Variants in PLD5 observed in about 807,000 individuals in gnomAD.
PLD5 encodes the protein inactive phospholipase D5.
In PLD5, 36 loss-of-function variants were observed where a neutral mutation model predicts 61.1. That is an observed-to-expected ratio of 0.59 (90% confidence interval 0.45 to 0.78). The LOEUF (loss-of-function observed/expected upper bound fraction) is 0.78. Ranked by LOEUF, PLD5 falls within the 30% of genes least tolerant of loss-of-function variation. The pLI is 0.00. For synonymous variants in PLD5, 243 were observed against 242.8 expected (o/e 1.00, Z -0.01); for missense variants, 515 against 644.4 (o/e 0.80, Z 2.17).
chr1:242,465,027 G>A (rs1366707889), intron 1 of PLD5, among the ~76,000 whole-genome samples: 1 of 152,174 alleles, frequency 6.6e-6, no homozygotes, highest in Non-Finnish European at 1.5e-5. Context: ...CTCTTTCTGG[G>A]TATGAGTTTC....
intron 8 of PLD5, among the ~76,000 whole-genome samples, chr1:242,106,711 C>A (rs944622165): frequency 3.3e-5 from 5 of 152,182 alleles, no homozygotes; most frequent in African/African-American, 9.7e-5. Context: ...AAGTTAATTG[C>A]GGAGCCCTTG....
chr1:242,210,796 C>T (rs1211379969), intron 5 of PLD5: 1 of 152,276 alleles, frequency 6.6e-6, no homozygotes. Flanking sequence ...AGCCTGCCTG[C>T]ATCCAGGTGA....
intron 1 of PLD5, among the ~76,000 whole-genome samples, chr1:242,391,371 G>A (rs963975458): frequency 2.6e-5 from 4 of 151,648 alleles, no homozygotes; most frequent in Non-Finnish European, 5.9e-5. Flanking sequence ...AACATAAATA[G>A]GAAAAAAAGA....
At chr1:242,381,878 G>A (rs1371351498) in intron 1 of PLD5, among the ~76,000 whole-genome samples, 2 of 152,128 alleles carry the variant, frequency 1.3e-5, no homozygotes, top group African/African-American at 2.4e-5. Flanking sequence ...GCTGTTGGCA[G>A]AGAATAGACT....
chr1:242,194,635 T>TA (rs1437557009), intron 5 of PLD5, among the ~76,000 whole-genome samples: 1 of 119,966 alleles, frequency 8.3e-6, no homozygotes, highest in African/African-American at 3.4e-5. Context: ...TCTATCTATC[T>TA]ATCTATCTAT....
intron 2 of PLD5, among the ~76,000 whole-genome samples, chr1:242,322,703 C>T (rs1335359728): frequency 6.6e-6 from 1 of 152,166 alleles, no homozygotes; most frequent in African/African-American, 2.4e-5. Context: ...TTTATATCCA[C>T]TTCCTACTTC....
At chr1:242,173,595 C>T (rs1443028775) in intron 5 of PLD5, among the ~76,000 whole-genome samples, 1 of 152,162 alleles carries the variant, frequency 6.6e-6, no homozygotes, top group Non-Finnish European at 1.5e-5. Context: ...CAAGACAATC[C>T]TAAGCCAAAA....
At chr1:242,440,020 T>C (rs10926736) in intron 1 of PLD5, among the ~76,000 whole-genome samples, 35,332 of 152,080 alleles carry the variant, frequency 0.23, 5,258 homozygotes, top group Non-Finnish European at 0.32. Flanking sequence ...CTTGTATATA[T>C]TTCAATCCTT....
At chr1:242,449,345 G>A (rs548151841) in intron 1 of PLD5, 1 of 1,536,104 alleles carries the variant, frequency 6.5e-7, no homozygotes, top group Admixed American at 2.0e-5. Flanking sequence ...AAACTCCAGA[G>A]TTTCTTACCA....
chr1:242,420,485 T>C (rs1665078598), intron 1 of PLD5, among the ~76,000 whole-genome samples: 1 of 152,204 alleles, frequency 6.6e-6, no homozygotes, highest in Non-Finnish European at 1.5e-5. Context: ...AAAACATCCT[T>C]AAGCATCATT....
At chr1:242,356,863 T>C (rs944948920) in intron 1 of PLD5, among the ~76,000 whole-genome samples, 1 of 152,118 alleles carries the variant, frequency 6.6e-6, no homozygotes, top group Non-Finnish European at 1.5e-5. Context: ...CAAATTAACA[T>C]TTTATAATAT....
At chr1:242,476,878 C>T (rs1400174786) in intron 1 of PLD5, among the ~76,000 whole-genome samples, 1 of 152,106 alleles carries the variant, frequency 6.6e-6, no homozygotes, top group Non-Finnish European at 1.5e-5. Context: ...GAAGACTTGG[C>T]GTGGTGTGTG....
intron 5 of PLD5, among the ~76,000 whole-genome samples, chr1:242,163,147 C>CT (rs147011306): frequency 0.023 from 3,313 of 142,010 alleles, 152 homozygotes; most frequent in African/African-American, 0.069. Context: ...CTTTTCTTTT[C>CT]TTTCTTTTCT....
At chr1:242,372,002 G>GC (rs1661663581) in intron 1 of PLD5, among the ~76,000 whole-genome samples, 1 of 152,050 alleles carries the variant, frequency 6.6e-6, no homozygotes, top group Non-Finnish European at 1.5e-5. Flanking sequence ...TTCTCCTAAT[G>GC]CTATCCCTCC....
At chr1:242,449,953 TC>T (rs1431378292) in intron 1 of PLD5, among the ~76,000 whole-genome samples, 1 of 152,174 alleles carries the variant, frequency 6.6e-6, no homozygotes, top group East Asian at 1.9e-4. Context: ...CGCTGTCAAA[TC>T]TGAACAGGTG....
chr1:242,291,597 G>A (rs1233573686), intron 2 of PLD5, among the ~76,000 whole-genome samples: 5 of 152,050 alleles, frequency 3.3e-5, no homozygotes, highest in African/African-American at 7.2e-5. Context: ...ATGAGGTCAG[G>A]AAATTGAGAC....
chr1:242,150,632 T>A (rs948498754), intron 5 of PLD5, among the ~76,000 whole-genome samples: 1 of 151,892 alleles, frequency 6.6e-6, no homozygotes, highest in South Asian at 2.1e-4. Flanking sequence ...ATTCCAACTT[T>A]CTTTCGACAA....
intron 2 of PLD5, among the ~76,000 whole-genome samples, chr1:242,295,183 A>G (rs1675585535): frequency 6.6e-6 from 1 of 152,154 alleles, no homozygotes; most frequent in African/African-American, 2.4e-5. Context: ...GGTTTCTTGC[A>G]TGGGTATACC....
chr1:242,225,333 GGTTT>G (rs111859114), intron 4 of PLD5, among the ~76,000 whole-genome samples: 2,112 of 146,222 alleles, frequency 0.014, 46 homozygotes, highest in East Asian at 0.058. Flanking sequence ...GTGGAACAGT[GGTTT>G]GTTTCTCTTT....
Sources: gnomAD v4.1 joint callset for allele counts (sites outside exome capture counted in the v4.1 genomes callset) on GRCh38, gnomAD v4.1.1 for gene constraint, MANE v1.5 for transcripts, NCBI Gene and HGNC (gene_info 2026-07-23, HGNC 2026-07-21) for gene names.